Variants in TOX3 observed in about 807,000 individuals in gnomAD.
TOX3 encodes CAG trinucleotide repeat-containing gene F9 protein.
Under a neutral mutation model 64.3 loss-of-function variants are expected in TOX3, and 22 were observed. The ratio of observed to expected loss-of-function variants is 0.34; its 90% confidence interval spans 0.24 to 0.49. TOX3 has a LOEUF of 0.49. TOX3 is among the 20% of genes least tolerant of loss of function. TOX3 has a pLI of 0.99. For synonymous variants in TOX3, 291 were observed against 273.6 expected, an observed-to-expected ratio of 1.06 and a Z score of -0.63; for missense variants, 661 against 714.4, an observed-to-expected ratio of 0.93 and a Z score of 0.85.
At chr16:52,473,652 A>ATTC (rs2151443121) in intron 1 of TOX3, among the ~76,000 whole-genome samples, 1 of 152,348 alleles carries the variant, frequency 6.6e-6, no homozygotes, top group South Asian at 2.1e-4. Flanking sequence ...TTCAAGACAC[A>ATTC]AAGCCCAAAG....
At chr16:52,470,074 T>C (rs1960995259) in intron 1 of TOX3, among the ~76,000 whole-genome samples, 1 of 152,256 alleles carries the variant, frequency 6.6e-6, no homozygotes, top group African/African-American at 2.4e-5. Context: ...CTGGTTTCTC[T>C]GAAGGCATGT....
chr16:52,503,954 T>C (rs1227406456), intron 1 of TOX3, among the ~76,000 whole-genome samples: 1 of 152,232 alleles, frequency 6.6e-6, no homozygotes, highest in East Asian at 1.9e-4. Flanking sequence ...CCAATTGTCA[T>C]ACTCTGGTAT....
intron 1 of TOX3, among the ~76,000 whole-genome samples, chr16:52,482,608 T>C (rs539311532): frequency 6.6e-6 from 1 of 152,246 alleles, no homozygotes; most frequent in South Asian, 2.1e-4. Context: ...CCTCTGAATA[T>C]GCCACAGTTA....
intron 1 of TOX3, among the ~76,000 whole-genome samples, chr16:52,526,692 G>A (rs983232730): frequency 1.1e-4 from 17 of 152,270 alleles, no homozygotes; most frequent in African/African-American, 3.1e-4. Context: ...AATTCCAGGC[G>A]TAGTAGAGAG....
chr16:52,462,059 T>C (rs186786256), intron 3 of TOX3, among the ~76,000 whole-genome samples: 203 of 152,220 alleles, frequency 1.3e-3, no homozygotes, highest in Non-Finnish European at 3.2e-4. Flanking sequence ...TACTAGAATT[T>C]TCAACAAGAT....
intron 1 of TOX3, among the ~76,000 whole-genome samples, chr16:52,479,139 G>C (rs1389320007): frequency 1.3e-5 from 2 of 152,154 alleles, no homozygotes; most frequent in African/African-American, 4.8e-5. Flanking sequence ...GTCAGCATAA[G>C]TTTTCAAACA....
At chr16:52,523,630 A>T (rs1315311506) in intron 1 of TOX3, among the ~76,000 whole-genome samples, 1 of 152,204 alleles carries the variant, frequency 6.6e-6, no homozygotes, top group African/African-American at 2.4e-5. Flanking sequence ...AGCAAAAGGG[A>T]AGACTTACCT....
At chr16:52,484,658 C>A (rs1961460111) in intron 1 of TOX3, among the ~76,000 whole-genome samples, 1 of 151,960 alleles carries the variant, frequency 6.6e-6, no homozygotes, top group Non-Finnish European at 1.5e-5. Context: ...AAAAAAAAAT[C>A]TATGCCTTCA....
chr16:52,463,016 A>C (rs34496302), intron 3 of TOX3, among the ~76,000 whole-genome samples: 2 of 152,184 alleles, frequency 1.3e-5, no homozygotes, highest in African/African-American at 2.4e-5. Flanking sequence ...ATATGTTGTT[A>C]TCTGGGGAAT....
chr16:52,529,593 C>T (rs1962805571), intron 1 of TOX3, among the ~76,000 whole-genome samples: 2 of 152,130 alleles, frequency 1.3e-5, no homozygotes, highest in Non-Finnish European at 2.9e-5. Context: ...GCCTAGATGG[C>T]CAGCACACAG....
chr16:52,444,460 G>T (rs896223064), intron 5 of TOX3, 104 bp from the exon 6 acceptor site: 13 of 903,252 alleles, frequency 1.4e-5, no homozygotes, highest in African/African-American at 3.5e-5. Flanking sequence ...ACATAAAAAG[G>T]TTGGTCTCCT....
intron 3 of TOX3, among the ~76,000 whole-genome samples, chr16:52,456,909 G>A (rs1960534767): frequency 6.6e-6 from 1 of 152,118 alleles, no homozygotes; most frequent in Admixed American, 6.5e-5. Context: ...GACTTAATTA[G>A]CCCCAAACTG....
At chr16:52,489,368 A>G (rs959220778) in intron 1 of TOX3, among the ~76,000 whole-genome samples, 1 of 151,896 alleles carries the variant, frequency 6.6e-6, no homozygotes, top group South Asian at 2.1e-4. Context: ...GCCTCCTACA[A>G]TTTGTCTTCC....
At chr16:52,444,498 T>TTC in intron 5 of TOX3, 142 bp from the exon 6 acceptor site, 10 of 324,876 alleles carry the variant, frequency 3.1e-5, no homozygotes, top group Non-Finnish European at 4.8e-5. Flanking sequence ...TGTTAGCGCA[T>TTC]GCACACACAC....
At chr16:52,440,926 A>G (rs1041119354) in intron 6 of TOX3, among the ~76,000 whole-genome samples, 5 of 151,372 alleles carry the variant, frequency 3.3e-5, no homozygotes, top group Non-Finnish European at 5.9e-5. Flanking sequence ...ACACCCAGCT[A>G]ATTTTTTTGT....
intron 1 of TOX3, among the ~76,000 whole-genome samples, chr16:52,488,272 C>T (rs1961583746): frequency 6.6e-6 from 1 of 152,170 alleles, no homozygotes; most frequent in African/African-American, 2.4e-5. Flanking sequence ...CCCGTGTAAA[C>T]CACCTCACCT....
At chr16:52,442,014 A>C (rs530623687) in intron 6 of TOX3, among the ~76,000 whole-genome samples, 5 of 152,234 alleles carry the variant, frequency 3.3e-5, no homozygotes, top group African/African-American at 1.2e-4. Context: ...GTAGTTAAAA[A>C]TTAACAAGCT....
intron 1 of TOX3, among the ~76,000 whole-genome samples, chr16:52,496,867 A>G (rs1004046241): frequency 4.6e-5 from 7 of 150,818 alleles, no homozygotes; most frequent in Non-Finnish European, 8.9e-5. Context: ...TAACCTGGGG[A>G]AAAAAAAACA....
intron 1 of TOX3, among the ~76,000 whole-genome samples, chr16:52,515,335 GT>G (rs1249033495): frequency 6.6e-6 from 1 of 152,094 alleles, no homozygotes; most frequent in African/African-American, 2.4e-5. Context: ...AATTCTACTA[GT>G]TTTTCTTTGT....
Sources: allele counts gnomAD v4.1 joint callset (sites outside exome capture counted in the v4.1 genomes callset), GRCh38; gene constraint gnomAD v4.1.1; transcripts MANE v1.5; gene names NCBI Gene and HGNC (gene_info 2026-07-23, HGNC 2026-07-21).